The following DYNC2H1 variants were observed in gnomAD, a reference collection of about 807,000 sequenced individuals.
The protein encoded by DYNC2H1 is dynein cytoplasmic 2 heavy chain 1.
In DYNC2H1, 410 loss-of-function variants were observed where a neutral mutation model predicts 570.0. The ratio of observed to expected loss-of-function variants is 0.72; its 90% CI spans 0.66 to 0.78. The LOEUF is 0.78. Among genes scored for constraint, DYNC2H1 ranks in the 30% least tolerant of loss-of-function variants. DYNC2H1 has a pLI of 0.00. For synonymous variants in DYNC2H1, 1,688 were observed against 1,677.6 expected (o/e 1.01, Z -0.15); for missense variants, 4,865 against 5,046.4 (o/e 0.96, Z 1.09).
rs370906388 is a variant in DYNC2H1 at position 103,134,408 on chromosome 11, G to A, written c.2194G>A (p.Val732Ile). ...LQELRTGLAT[V>I]EAQGFQASDM... ...AGAATTGAGAACTGGCTTAGCAACT[G>A]TAGAAGCACAGGTAGAGTATGTTTT... The change falls in exon 15 of 89, where the codon GTA (valine) becomes ATA (isoleucine). Residue 732 changes from valine (V) to isoleucine (I), a missense_variant. By Grantham distance (29) the Val-to-Ile change is conservative. Coordinates refer to ENST00000375735, the MANE Select transcript of DYNC2H1 (RefSeq NM_001377.3). 3.5e-5 allele frequency: 57 copies of A among 1,610,022 alleles called. No individual in the cohort carries two copies. In the African/African-American group the frequency reaches 6.8e-4, roughly 19 times the overall value.
Position 103,220,754 on chromosome 11 carries a change from C to T in DYNC2H1, c.9078C>T (p.Ile3026=), listed in dbSNP as rs1225473628. Residue 3026 remains isoleucine, a synonymous_variant, in exon 57 of 89, where the codon ATC becomes ATT. Transcript: ENST00000375735. ...ILEGVLRLMG[I]FDTSWVSMKS... is the part of the protein sequence containing the mutation. ...AAGGAGTTTTAAGGTTGATGGGTATCTTTGATACATCTTGGGTGAGCATGA... is the reference window on the plus strand; with the variant it reads ...AAGGAGTTTTAAGGTTGATGGGTATTTTTGATACATCTTGGGTGAGCATGA... 8 of 1,612,412 alleles carry T rather than the reference C, an allele frequency of 5.0e-6. No homozygotes were observed. Among genetic ancestry groups the T allele is most frequent in the Non-Finnish European group, 6.8e-6 (8 of 1,179,118 alleles).
At chr11:103,166,095 T>C (rs1259235001) in intron 31 of DYNC2H1, 47 bp downstream of exon 31, 40 of 1,450,054 alleles carry the variant, frequency 2.8e-5, no homozygotes, top group Non-Finnish European at 3.4e-5. Flanking sequence ...GGTTATTTTT[T>C]GGTATTCTAT....
chr11:103,185,770 A>G lies in DYNC2H1; in HGVS notation c.6634-472A>G, dbSNP rs1352868738. ...ACATACTCTCTTGTCAAAGTTCCGA[A>G]TAAATGTATTGAAGAATAGTATTAA... On this transcript the variant is annotated intron_variant, in intron 41 of 88. Transcript: ENST00000375735. The surrounding 1 kb of genome is among the most constrained non-coding windows in gnomAD (Gnocchi z 4.5). Among the ~76,000 whole-genome samples, 1 of 151,988 alleles carries G rather than the reference A, an allele frequency of 6.6e-6. No homozygotes were observed. The highest frequency in any genetic ancestry group is 2.4e-5 in the African/African-American group (1 of 41,424).
At chr11:103,175,211 T>G (rs1861753292) in intron 36 of DYNC2H1, among the ~76,000 whole-genome samples, 1 of 152,170 alleles carries the variant, frequency 6.6e-6, no homozygotes, top group Non-Finnish European at 1.5e-5. Context: ...TAAAACACTA[T>G]GAAAGTAGAG....
chr11:103,390,154 G>A (rs1231348694), intron 83 of DYNC2H1, among the ~76,000 whole-genome samples: 4 of 152,112 alleles, frequency 2.6e-5, no homozygotes, highest in African/African-American at 7.2e-5. Flanking sequence ...AGGTCTCTAA[G>A]GACTTCCTTT....
Position 103,446,020 on chromosome 11 carries a change from T to C in DYNC2H1, c.12457-9166T>C, listed in dbSNP as rs1299800840. 1.3e-5 allele frequency among the ~76,000 whole-genome samples: 2 copies of C among 148,290 alleles called. No homozygotes were observed. Among genetic ancestry groups the C allele is most frequent in the Admixed American group, 1.4e-4 (2 of 14,698 alleles). On this transcript the variant is annotated intron_variant, in intron 85 of 88. Coordinates refer to ENST00000375735, the MANE Select transcript of DYNC2H1 (RefSeq NM_001377.3). The surrounding 1 kb of genome is among the most constrained non-coding windows in gnomAD (Gnocchi z 4.5). ...AGTGAGTTGAAGGATACTGACAATA[T>C]GGTAATAGAGCAGAGTTTTGTTGTT...
rs941363298 is a variant in DYNC2H1 at position 103,157,875 on chromosome 11, T to C, written c.4128-802T>C. Among the ~76,000 whole-genome samples, 1 of 152,194 alleles carries C rather than the reference T, an allele frequency of 6.6e-6. No individual in the cohort carries two copies. The highest frequency in any genetic ancestry group is 2.4e-5 in the African/African-American group (1 of 41,458). On this transcript the variant is annotated intron_variant, in intron 26 of 88. Transcript: ENST00000375735. The surrounding 1 kb of genome is among the most constrained non-coding windows in gnomAD (Gnocchi z 4.2). Reference sequence around the variant, plus strand: ...CTGCTCTCCATTTTGCTTTAGTGACTCTAGCTTTTAGTTTCTCGGTCATAC... The same window carrying C: ...CTGCTCTCCATTTTGCTTTAGTGACCCTAGCTTTTAGTTTCTCGGTCATAC...
intron 83 of DYNC2H1, among the ~76,000 whole-genome samples, chr11:103,360,123 C>G (rs1357921586): frequency 4.0e-5 from 6 of 151,896 alleles, no homozygotes; most frequent in Admixed American, 2.6e-4. Flanking sequence ...AGTATGTGGC[C>G]AGAAGGACAA....
intron 74 of DYNC2H1, among the ~76,000 whole-genome samples, chr11:103,287,052 A>G (rs1866379060): frequency 1.3e-5 from 2 of 152,228 alleles, no homozygotes; most frequent in Non-Finnish European, 2.9e-5. Context: ...CTGAGGTGGA[A>G]GGATCACATG....
rs1862638392 is a variant in DYNC2H1 at position 103,199,643 on chromosome 11, T to G, written c.8088+167T>G. ...GTAGTCTTTATTTTAATTTAGATTA[T>G]TTTTTCCATGATTATTAGAAAATTA... On this transcript the variant is annotated intron_variant, in intron 49 of 88. Coordinates refer to ENST00000375735, the MANE Select transcript of DYNC2H1 (RefSeq NM_001377.3). This position sits in a 1 kb window ranked among gnomAD's most constrained non-coding sequence, Gnocchi z 4.6. 6.6e-6 allele frequency among the ~76,000 whole-genome samples: 1 copy of G among 152,184 alleles called. No individual in the cohort carries two copies. The highest frequency in any genetic ancestry group is 2.4e-5 in the African/African-American group (1 of 41,460).
Position 103,125,116 on chromosome 11 carries a change from C to G in DYNC2H1, c.1678C>G (p.Arg560Gly). Residue 560 changes from arginine to glycine, a missense_variant, in exon 12 of 89, where the codon CGA (arginine) becomes GGA (glycine). Around this residue, in one of 5 missense-constraint regions of DYNC2H1, gnomAD observed 1,936 missense variants for 1,962.1 expected, o/e 0.99. Coordinates refer to ENST00000375735, the MANE Select transcript of DYNC2H1 (RefSeq NM_001377.3). ...GTTTTATAGTATTGAGGCTAGTAGT[C>G]GAATTATGGAATTGGATTCTAATGA... ...RSGLCIEASS[R>G]IMELDSNDGL... The G allele has an allele frequency of 6.2e-7, 1 of 1,612,234 alleles. No individual in the cohort carries two copies. Among genetic ancestry groups the G allele is most frequent in the East Asian group, 2.2e-5 (1 of 44,794 alleles).
In DYNC2H1 at chr11:103,136,387, G is replaced by A. The variant is rs564220368; in HGVS notation, c.2574+439G>A. On this transcript the variant is annotated intron_variant, in intron 17 of 88. Coordinates refer to ENST00000375735, the MANE Select transcript of DYNC2H1 (RefSeq NM_001377.3). ...CTATCCCTCCCCCCTCCCGCCACCC[G>A]ACAACAGTCCCCAGAGTGTGATGTT... Among the ~76,000 whole-genome samples the A allele has an allele frequency of 2.0e-4, 15 of 76,190 alleles. 1 individual carries two copies. The East Asian group carries it at 2.6e-3, about 13-fold the overall frequency. 50.0% of individuals were successfully genotyped at this position (76,190 alleles called of 152,430 possible).
At chr11:103,223,385 G>A (rs548878816) in intron 59 of DYNC2H1, among the ~76,000 whole-genome samples, 13 of 151,862 alleles carry the variant, frequency 8.6e-5, no homozygotes, top group Admixed American at 7.9e-4. Context: ...TGTTGTTGTC[G>A]TTTTTTGTTT....
intron 74 of DYNC2H1, among the ~76,000 whole-genome samples, chr11:103,287,042 C>G (rs889025701): frequency 6.6e-6 from 1 of 152,114 alleles, no homozygotes; most frequent in Admixed American, 6.6e-5. Flanking sequence ...ACTTGGGAAG[C>G]TGAGGTGGAA....
chr11:103,122,363 C>G (rs1858764750), intron 10 of DYNC2H1, among the ~76,000 whole-genome samples: 1 of 152,174 alleles, frequency 6.6e-6, no homozygotes. Flanking sequence ...CCAGGGTGCT[C>G]TAATGTTCTC....
chr11:103,464,375 T>C (rs966841076), intron 87 of DYNC2H1, among the ~76,000 whole-genome samples: 1 of 152,168 alleles, frequency 6.6e-6, no homozygotes, highest in Admixed American at 6.5e-5. Context: ...AACAATAGTT[T>C]CAGATACTCC....
intron 83 of DYNC2H1, among the ~76,000 whole-genome samples, chr11:103,367,633 T>A (rs1372841536): frequency 6.6e-6 from 1 of 152,174 alleles, no homozygotes; most frequent in African/African-American, 2.4e-5. Context: ...TTTTGTGCTA[T>A]GCTTTACTCA....
chr11:103,264,004 A>G lies in DYNC2H1; in HGVS notation c.10695+4027A>G, dbSNP rs1865414787. 6.6e-6 allele frequency among the ~76,000 whole-genome samples: 1 copy of G among 152,186 alleles called. No individual in the cohort carries two copies. Among genetic ancestry groups the G allele is most frequent in the Non-Finnish European group, 1.5e-5 (1 of 68,018 alleles). On this transcript the variant is annotated intron_variant, in intron 70 of 88. Transcript: ENST00000375735. This position sits in a 1 kb window ranked among gnomAD's most constrained non-coding sequence, Gnocchi z 4.8. ...GAGAGAAGAATCAAATAGATGCAATAAAAAATGATAAAGGGGATATCACCA... is the reference window on the plus strand; with the variant it reads ...GAGAGAAGAATCAAATAGATGCAATGAAAAATGATAAAGGGGATATCACCA...
chr11:103,135,225 C>A (rs1188357396), intron 15 of DYNC2H1, among the ~76,000 whole-genome samples: 1 of 151,902 alleles, frequency 6.6e-6, no homozygotes, highest in Admixed American at 6.6e-5. Flanking sequence ...AAATAAAGTC[C>A]AAATATGAAA....
Sources: gnomAD v4.1 joint callset for allele counts (sites outside exome capture counted in the v4.1 genomes callset) on GRCh38, gnomAD v4.1.1 for gene constraint, gnomAD v4.1.1 regional missense constraint, Gnocchi (gnomAD v3.1) non-coding constraint, MANE v1.5 for transcripts, NCBI Gene and HGNC (gene_info 2026-07-23, HGNC 2026-07-21) for gene names.